NHLRC2: variants seen among roughly 807,000 people sequenced by gnomAD.
NHLRC2 encodes the protein NHL repeat-containing protein 2.
In NHLRC2, 33 loss-of-function variants were observed where a neutral mutation model predicts 68.1. The observed-to-expected ratio is 0.48, with a 90% CI of 0.37 to 0.65. The LOEUF (loss-of-function observed/expected upper bound fraction) is 0.65, where lower values mean the gene tolerates loss of function less well. Ranked by LOEUF, NHLRC2 falls within the 30% of genes least tolerant of loss-of-function variation. The pLI, the probability that NHLRC2 is intolerant of heterozygous loss-of-function variation, is 0.00. For synonymous variants in NHLRC2, 311 were observed against 309.6 expected (o/e 1.00, Z -0.05); for missense variants, 761 against 853.8 (o/e 0.89, Z 1.35).
At chr10:113,855,730 T>A (rs1006059465) in intron 1 of NHLRC2, among the ~76,000 whole-genome samples, 5 of 152,136 alleles carry the variant, frequency 3.3e-5, no homozygotes, top group African/African-American at 1.2e-4. Context: ...ACCTCCTGAT[T>A]TCAAGTGATC....
intron 8 of NHLRC2, among the ~76,000 whole-genome samples, chr10:113,903,228 T>TA (rs1846243388): frequency 6.6e-6 from 1 of 152,106 alleles, no homozygotes; most frequent in East Asian, 1.9e-4. Context: ...GAAAAACAAT[T>TA]CAATAAAAAA....
At chr10:113,870,490 A>G (rs565118133) in intron 2 of NHLRC2, among the ~76,000 whole-genome samples, 1 of 152,332 alleles carries the variant, frequency 6.6e-6, no homozygotes, top group African/African-American at 2.4e-5. Context: ...TTTTAAAAAT[A>G]ACTGCATAGT....
intron 5 of NHLRC2, among the ~76,000 whole-genome samples, chr10:113,891,904 T>C (rs1435120192): frequency 6.6e-6 from 1 of 152,174 alleles, no homozygotes; most frequent in East Asian, 1.9e-4. Flanking sequence ...CTGTCTTGTG[T>C]CTGTGATTGG....
At position 113,863,757 on chromosome 10, in the gene NHLRC2, A is replaced by G. The variant is rs150543649; in HGVS notation, c.331+5077A>G. Among the ~76,000 whole-genome samples the G allele has an allele frequency of 1.7e-3, 252 of 152,326 alleles. 1 individual carries two copies. The highest frequency in any genetic ancestry group is 0.01 in the East Asian group (52 of 5,182). On this transcript the variant is annotated intron_variant, in intron 2 of 10. Coordinates refer to ENST00000369301, the MANE Select transcript of NHLRC2 (RefSeq NM_198514.4). ...ACTAAGAAAAAAGAAGACTCAAATT[A>G]TTAAAATCAGGAATGAAAATGGGAA...
chr10:113,887,228 A>G (rs1846090856), intron 5 of NHLRC2, among the ~76,000 whole-genome samples: 1 of 152,232 alleles, frequency 6.6e-6, no homozygotes, highest in Non-Finnish European at 1.5e-5. Context: ...GAGGATGCGG[A>G]AAAAAGAGAA....
Position 113,890,352 on chromosome 10 carries a change from GT to G in NHLRC2, c.1039+5976del, listed in dbSNP as rs546539731. Among the ~76,000 whole-genome samples the G allele has an allele frequency of 2.8e-3, 419 of 152,172 alleles. 3 individuals carry two copies. The highest frequency in any genetic ancestry group is 9.7e-3 in the African/African-American group (403 of 41,522). On this transcript the variant is annotated intron_variant, in intron 5 of 10. Transcript: ENST00000369301. ...ACTCCATTGTCTTTTGACTTACATA[GT>G]TTTCCACAAGACACCTGTTTTAATA... is the stretch of plus-strand genomic sequence containing the variant.
At position 113,865,841 on chromosome 10, in the gene NHLRC2, A is replaced by T. The variant is rs192962337; in HGVS notation, c.331+7161A>T. Among the ~76,000 whole-genome samples, 42 of 152,334 alleles carry T rather than the reference A, an allele frequency of 2.8e-4. No individual in the cohort carries two copies. In the East Asian group the frequency reaches 7.3e-3, roughly 27 times the overall value. ...ATAAAAGCAGACATAACCAGAAATG[A>T]TCACATGGCAGCTCAATAAGCTGTC... On this transcript the variant is annotated intron_variant, in intron 2 of 10. Transcript: ENST00000369301.
chr10:113,860,601 T>C (rs1274346162), intron 2 of NHLRC2, among the ~76,000 whole-genome samples: 4 of 152,012 alleles, frequency 2.6e-5, no homozygotes, highest in African/African-American at 9.7e-5. Flanking sequence ...AAATACCTGA[T>C]ACATATCTAT....
rs1219522375 is a variant in NHLRC2 at position 113,908,610 on chromosome 10, A to G, written c.*74A>G. Reference sequence around the variant, plus strand: ...CTGACTATCACTGTAATTTAAGGAAAGAAAACTTCAGTTCTGCCTCTGGAT... The same window carrying G: ...CTGACTATCACTGTAATTTAAGGAAGGAAAACTTCAGTTCTGCCTCTGGAT... On this transcript the variant is annotated 3_prime_UTR_variant, in exon 11 of 11. Transcript: ENST00000369301. 12 of 1,456,008 alleles carry G rather than the reference A, an allele frequency of 8.2e-6. No homozygotes were observed. In the Admixed American group the frequency reaches 2.0e-4, roughly 24 times the overall value. 90.2% of individuals were successfully genotyped at this position (1,456,008 alleles called of 1,614,324 possible). A position where few individuals can be genotyped will look rare whatever the true frequency, so the allele number is the denominator to read the frequency against.
intron 5 of NHLRC2, among the ~76,000 whole-genome samples, chr10:113,886,791 C>T (rs1846086902): frequency 6.6e-6 from 1 of 152,130 alleles, no homozygotes; most frequent in Admixed American, 6.5e-5. Flanking sequence ...AGGAAAAGCT[C>T]CACAGCATTG....
At chr10:113,882,287 A>G (rs1184797829) in intron 4 of NHLRC2, among the ~76,000 whole-genome samples, 1 of 151,760 alleles carries the variant, frequency 6.6e-6, no homozygotes, top group Non-Finnish European at 1.5e-5. Context: ...ATTATTTTCC[A>G]TAGCAATTGC....
intron 3 of NHLRC2, among the ~76,000 whole-genome samples, chr10:113,879,151 C>T (rs1384585569): frequency 6.6e-6 from 1 of 152,050 alleles, no homozygotes; most frequent in African/African-American, 2.4e-5. Context: ...TTCAGTGGTC[C>T]TCAGGATCTG....
chr10:113,888,382 C>T (rs1255837504), intron 5 of NHLRC2, among the ~76,000 whole-genome samples: 1 of 152,050 alleles, frequency 6.6e-6, no homozygotes. Context: ...AATCTTTCTA[C>T]AGTATACACA....
Position 113,860,351 on chromosome 10 carries a change from A to T in NHLRC2, c.331+1671A>T, listed in dbSNP as rs546299195. 1.9e-4 allele frequency among the ~76,000 whole-genome samples: 29 copies of T among 152,316 alleles called. No homozygotes were observed. In the East Asian group the frequency reaches 5.4e-3, roughly 28 times the overall value. ...CTAGAATGGATCCTTATAATCTCCTACTAGTTTACTGGAAACATTGTTTTT... is the reference window on the plus strand; with the variant it reads ...CTAGAATGGATCCTTATAATCTCCTTCTAGTTTACTGGAAACATTGTTTTT... On this transcript the variant is annotated intron_variant, in intron 2 of 10. Coordinates refer to ENST00000369301, the MANE Select transcript of NHLRC2 (RefSeq NM_198514.4).
chr10:113,913,801 T>TGGTCAAC lies in NHLRC2; in HGVS notation c.*5266_*5272dup, dbSNP rs910415713. On this transcript the variant is annotated 3_prime_UTR_variant, in exon 11 of 11. Transcript: ENST00000369301. ...TTCTGTTACAGTAAAGTTTTCACCA[T>TGGTCAAC]GGTCAACCTATTCCAGCATTAGGTA... 6.6e-6 allele frequency: 1 copy of TGGTCAAC among 152,144 alleles called. No homozygotes were observed. Among genetic ancestry groups the TGGTCAAC allele is most frequent in the Non-Finnish European group, 1.5e-5 (1 of 68,026 alleles). The allele number at this position is 152,144 out of a possible 1,614,324, so 9.4% of individuals were successfully genotyped here.
chr10:113,905,153 TGAACAAA>T, intron 10 of NHLRC2, 117 bp downstream of exon 10: 1 of 489,518 alleles, frequency 2.0e-6, no homozygotes, highest in East Asian at 3.4e-5. Context: ...GAAGATCATA[TGAACAAA>T]TGAATCCAGA....
chr10:113,898,334 A>G, intron 6 of NHLRC2, 125 bp downstream of exon 6: 2 of 549,764 alleles, frequency 3.6e-6, no homozygotes, highest in East Asian at 3.1e-5. Context: ...ATAGCACACA[A>G]CGCAGATTCT....
chr10:113,869,456 C>G (rs1306712459), intron 2 of NHLRC2, among the ~76,000 whole-genome samples: 2 of 152,172 alleles, frequency 1.3e-5, no homozygotes, highest in African/African-American at 2.4e-5. Flanking sequence ...CCATGACTTA[C>G]AAGACTGATC....
intron 2 of NHLRC2, among the ~76,000 whole-genome samples, chr10:113,865,030 A>C (rs1040466703): frequency 6.6e-6 from 1 of 151,516 alleles, no homozygotes; most frequent in Admixed American, 6.6e-5. Context: ...GCTCACTGCA[A>C]GCTCCGCCTC....
Sources: gnomAD v4.1 joint callset for allele counts (sites outside exome capture counted in the v4.1 genomes callset) on GRCh38, gnomAD v4.1.1 for gene constraint, MANE v1.5 for transcripts, NCBI Gene and HGNC (gene_info 2026-07-23, HGNC 2026-07-21) for gene names.